The following EGLN1 variants were observed in gnomAD, a reference collection of about 807,000 sequenced individuals.
EGLN1 encodes the protein egl nine homolog 1.
In EGLN1, 17 loss-of-function variants were observed where a neutral mutation model predicts 38.3. That is an observed-to-expected ratio of 0.44 (90% confidence interval 0.30 to 0.67). EGLN1 has a LOEUF of 0.67. Among genes scored for constraint, EGLN1 ranks in the 30% least tolerant of loss-of-function variants. EGLN1 has a pLI of 0.08. For missense variants in EGLN1, 477 were observed against 603.3 expected, an observed-to-expected ratio of 0.79 and a Z score of 2.19; for synonymous variants, 283 against 257.5, an observed-to-expected ratio of 1.10 and a Z score of -0.95.
intron 1 of EGLN1, among the ~76,000 whole-genome samples, chr1:231,414,839 G>A (rs1307344461): frequency 2.0e-5 from 3 of 150,010 alleles, no homozygotes; most frequent in African/African-American, 4.9e-5. Context: ...AGGCTCAAGC[G>A]ATCCTCCCAC....
intron 1 of EGLN1, among the ~76,000 whole-genome samples, chr1:231,391,522 T>G (rs1359201174): frequency 1.3e-5 from 2 of 152,088 alleles, no homozygotes; most frequent in South Asian, 4.1e-4. Flanking sequence ...AAAAATATAA[T>G]TGGCACCGCA....
In EGLN1 at chr1:231,421,136, G is replaced by A. The variant is rs1656576633; in HGVS notation, c.753C>T (p.Ile251=). The change falls in exon 1 of 5, where the codon ATC becomes ATT. Residue 251 remains isoleucine (I), a synonymous_variant. Transcript: ENST00000366641. The surrounding 1 kb of genome is among the most constrained non-coding windows in gnomAD (Gnocchi z 5.5). ...CGATCCAGGTGATCTTATCGCCTCG[G>A]ATGTCCTTGGACGAGTCACTCTTCT... ...VSQKSDSSKD[I]RGDKITWIEG... 3 of 1,614,174 alleles carry A rather than the reference G, an allele frequency of 1.9e-6. No individual in the cohort carries two copies. The highest frequency in any genetic ancestry group is 2.5e-6 in the Non-Finnish European group (3 of 1,180,030).
intron 1 of EGLN1, among the ~76,000 whole-genome samples, chr1:231,390,513 C>T (rs1000855763): frequency 6.6e-6 from 1 of 152,196 alleles, no homozygotes; most frequent in African/African-American, 2.4e-5. Context: ...GCTAACTTAA[C>T]TGAGGTCATG....
intron 1 of EGLN1, among the ~76,000 whole-genome samples, chr1:231,376,024 A>G (rs1687948798): frequency 6.6e-6 from 1 of 152,192 alleles, no homozygotes; most frequent in Non-Finnish European, 1.5e-5. Flanking sequence ...CACATCCCAT[A>G]TATCCATTTA....
intron 1 of EGLN1, among the ~76,000 whole-genome samples, chr1:231,405,549 G>A (rs897587523): frequency 2.0e-5 from 3 of 152,082 alleles, no homozygotes; most frequent in African/African-American, 4.8e-5. Context: ...AATTAGGTCA[G>A]CATTACTCCC....
intron 2 of EGLN1, among the ~76,000 whole-genome samples, chr1:231,371,142 G>A (rs776377305): frequency 2.8e-4 from 43 of 152,084 alleles, no homozygotes; most frequent in South Asian, 6.2e-4. Flanking sequence ...TGCCCACCTC[G>A]GCCTCCCAAA....
At position 231,421,499 on chromosome 1, in the gene EGLN1, G is replaced by A. The variant is rs1338438082; in HGVS notation, c.390C>T (p.Ala130=). The stretch of plus-strand genomic sequence containing the variant: ...CCACCGCCGAGCCCTGGCCGCCGGC[G>A]GCCGCACGACACGGCGACGCGGCCG... ...PAAAASPCRA[A]AGGQGSAVAA... is the part of the protein sequence containing the mutation. The change falls in exon 1 of 5, where the codon GCC becomes GCT. Residue 130 remains alanine, a synonymous_variant. Coordinates refer to ENST00000366641, the MANE Select transcript of EGLN1 (RefSeq NM_022051.3). This position sits in a 1 kb window ranked among gnomAD's most constrained non-coding sequence, Gnocchi z 5.5. The A allele has an allele frequency of 3.0e-6, 4 of 1,338,484 alleles. No homozygotes were observed. The highest frequency in any genetic ancestry group is 3.1e-5 in the East Asian group (1 of 32,384). 82.9% of individuals were successfully genotyped at this position (1,338,484 alleles called of 1,614,324 possible). A position where few individuals can be genotyped will look rare whatever the true frequency, so the allele number is the denominator to read the frequency against.
chr1:231,409,482 G>C (rs764501135), intron 1 of EGLN1, among the ~76,000 whole-genome samples: 8 of 152,258 alleles, frequency 5.3e-5, no homozygotes, highest in African/African-American at 1.9e-4. Flanking sequence ...GTAAATAGCT[G>C]TTGAATAACT....
chr1:231,363,790 T>C lies in EGLN1; in HGVS notation c.*2621A>G, dbSNP rs1050556859. Reference sequence around the variant, plus strand: ...CATTTATACATCTTTTTAATTAGATTAGCTTTACAAGCAACTTGAGAGCTC... The same window carrying C: ...CATTTATACATCTTTTTAATTAGATCAGCTTTACAAGCAACTTGAGAGCTC... On this transcript the variant is annotated 3_prime_UTR_variant, in exon 5 of 5. Transcript: ENST00000366641. The C allele has an allele frequency of 6.6e-6, 1 of 152,262 alleles. No individual in the cohort carries two copies. 9.4% of individuals were successfully genotyped at this position (152,262 alleles called of 1,614,324 possible).
At chr1:231,367,455 AC>A in intron 4 of EGLN1, 113 bp downstream of exon 4, 1 of 1,093,660 alleles carries the variant, frequency 9.1e-7, no homozygotes, top group Non-Finnish European at 1.4e-6. Context: ...CTGATAAAAA[AC>A]AAAAAGTAAG....
intron 4 of EGLN1, among the ~76,000 whole-genome samples, chr1:231,367,318 T>C (rs889696396): frequency 6.6e-6 from 1 of 152,182 alleles, no homozygotes; most frequent in African/African-American, 2.4e-5. Context: ...GAAAACTCAG[T>C]TTGTATGTGA....
At position 231,370,557 on chromosome 1, in the gene EGLN1, A is replaced by G. The variant is rs752515902; in HGVS notation, c.1148+5T>C. On this transcript the variant is annotated splice_donor_5th_base_variant and intron_variant, in intron 3 of 4. Coordinates refer to ENST00000366641, the MANE Select transcript of EGLN1 (RefSeq NM_022051.3). Reference sequence around the variant, plus strand: ...AAACCAATTTTTTCTGAAAAGGAATACTACCTTGTAGCATATGCTGGTTGT... The same window carrying G: ...AAACCAATTTTTTCTGAAAAGGAATGCTACCTTGTAGCATATGCTGGTTGT... 2.5e-6 allele frequency: 4 copies of G among 1,613,186 alleles called. No individual in the cohort carries two copies. Among genetic ancestry groups the G allele is most frequent in the Non-Finnish European group, 3.4e-6 (4 of 1,180,014 alleles).
rs1479711658 is a variant in EGLN1, at chr1:231,364,741, A to G, written c.*1670T>C. ...ATGTCTTAAGTTGAAATATACAGAA[A>G]ATTTCTGTATACTCACATTTTGGCA... On this transcript the variant is annotated 3_prime_UTR_variant, in exon 5 of 5. Coordinates refer to ENST00000366641, the MANE Select transcript of EGLN1 (RefSeq NM_022051.3). 1 of 152,214 alleles carries G rather than the reference A, an allele frequency of 6.6e-6. No individual in the cohort carries two copies. Among genetic ancestry groups the G allele is most frequent in the African/African-American group, 2.4e-5 (1 of 41,458 alleles). 9.4% of individuals were successfully genotyped at this position (152,214 alleles called of 1,614,324 possible).
At chr1:231,372,993 T>C (rs114459700) in intron 2 of EGLN1, among the ~76,000 whole-genome samples, 3,571 of 152,316 alleles carry the variant, frequency 0.023, 50 homozygotes, top group East Asian at 0.043. Context: ...ACTTTTCTAT[T>C]TGAATGTTAT....
chr1:231,375,133 A>G (rs1687928512), intron 1 of EGLN1, among the ~76,000 whole-genome samples: 1 of 152,182 alleles, frequency 6.6e-6, no homozygotes, highest in Non-Finnish European at 1.5e-5. Flanking sequence ...ATCTCAGCTC[A>G]CTGCCTCCAC....
intron 1 of EGLN1, among the ~76,000 whole-genome samples, chr1:231,380,273 G>A (rs566999934): frequency 3.3e-4 from 44 of 131,398 alleles, no homozygotes; most frequent in African/African-American, 1.0e-3. Flanking sequence ...CGGAGATCGC[G>A]CCACTGCACT....
At chr1:231,370,442 A>C (rs1490078186) in intron 3 of EGLN1, 120 bp downstream of exon 3, 2 of 1,059,980 alleles carry the variant, frequency 1.9e-6, no homozygotes, top group East Asian at 4.9e-5. Flanking sequence ...ATTCAAATTA[A>C]AATGACTGTG....
chr1:231,420,860 TAC>T (rs1292292262), intron 1 of EGLN1, 136 bp downstream of exon 1: 18 of 1,551,806 alleles, frequency 1.2e-5, no homozygotes, highest in Non-Finnish European at 1.4e-5. Flanking sequence ...CCGTCTTCCT[TAC>T]GGGGAGCTAC....
At chr1:231,374,414 GGAGATTTCAATCTTC>G (rs1687905211) in intron 1 of EGLN1, among the ~76,000 whole-genome samples, 3 of 152,094 alleles carry the variant, frequency 2.0e-5, no homozygotes, top group Non-Finnish European at 4.4e-5. Flanking sequence ...CTGCTCCATG[GGAGATTTCAATCTTC>G]CTTGAGCTCA....
Sources: allele counts gnomAD v4.1 joint callset (sites outside exome capture counted in the v4.1 genomes callset), GRCh38; gene constraint gnomAD v4.1.1; non-coding constraint Gnocchi (gnomAD v3.1); transcripts MANE v1.5; gene names NCBI Gene and HGNC (gene_info 2026-07-23, HGNC 2026-07-21).